Variants in MGST1 observed in about 807,000 individuals in gnomAD.
The protein encoded by MGST1 is glutathione S-transferase 12.
Under a neutral mutation model 8.9 loss-of-function variants are expected in MGST1, and 5 were observed. That is an observed-to-expected ratio of 0.56 (90% CI 0.29 to 1.19). MGST1 has a LOEUF of 1.19. Among genes scored for constraint, MGST1 ranks in the 50% most tolerant of loss-of-function variants. The pLI, the probability that MGST1 is intolerant of heterozygous loss-of-function variation, is 0.08. For missense variants in MGST1, 182 were observed against 187.4 expected (o/e 0.97, Z 0.17); for synonymous variants, 54 against 67.8 (o/e 0.80, Z 1.00).
chr12:16,398,857 G>C (rs1940628045), intron 1 of MGST1, among the ~76,000 whole-genome samples: 1 of 152,192 alleles, frequency 6.6e-6, no homozygotes, highest in Non-Finnish European at 1.5e-5. Context: ...CAATAGGGTA[G>C]GTTGGAGGAT....
At chr12:16,468,286 C>T (rs568379322) in intron 4 of MGST1, among the ~76,000 whole-genome samples, 32 of 152,318 alleles carry the variant, frequency 2.1e-4, no homozygotes, top group African/African-American at 7.5e-4. Context: ...TTGTCAATTA[C>T]ATATCTGTAT....
intron 1 of MGST1, among the ~76,000 whole-genome samples, chr12:16,351,523 A>G (rs1255270389): frequency 6.6e-6 from 1 of 152,032 alleles, no homozygotes; most frequent in Non-Finnish European, 1.5e-5. Context: ...AAACAAAAAT[A>G]GGGGGGCCAG....
intron 4 of MGST1, among the ~76,000 whole-genome samples, chr12:16,526,741 C>T (rs1448400392): frequency 8.6e-5 from 13 of 151,636 alleles, no homozygotes; most frequent in Admixed American, 8.5e-4. Flanking sequence ...GAGATAAATC[C>T]TAAAATTGGT....
chr12:16,384,933 C>T (rs1423820955), intron 1 of MGST1, among the ~76,000 whole-genome samples: 1 of 152,162 alleles, frequency 6.6e-6, no homozygotes, highest in Non-Finnish European at 1.5e-5. Context: ...AGGGATAACT[C>T]TAGCTGGGGT....
At chr12:16,479,194 G>T (rs1941346827) in intron 4 of MGST1, among the ~76,000 whole-genome samples, 1 of 143,018 alleles carries the variant, frequency 7.0e-6, no homozygotes, top group African/African-American at 2.6e-5. Context: ...ATATTCCATT[G>T]TGTGTATATA....
At chr12:16,354,167 T>C in intron 1 of MGST1, 64 bp from the exon 2 acceptor site, 1 of 1,197,416 alleles carries the variant, frequency 8.4e-7, no homozygotes, top group South Asian at 1.6e-5. Flanking sequence ...GAACATCAAA[T>C]GATCTTCCAG....
intron 4 of MGST1, among the ~76,000 whole-genome samples, chr12:16,518,850 G>A (rs1941631586): frequency 6.6e-6 from 1 of 152,186 alleles, no homozygotes; most frequent in Admixed American, 6.5e-5. Flanking sequence ...TAGCATTAAA[G>A]AAGATGTATT....
intron 4 of MGST1, among the ~76,000 whole-genome samples, chr12:16,465,798 A>C (rs767075073): frequency 1.1e-4 from 17 of 152,128 alleles, no homozygotes; most frequent in Non-Finnish European, 2.2e-4. Context: ...TCTGTGGAAA[A>C]ATTGTCTTCC....
At chr12:16,478,548 TTA>T (rs1442598155) in intron 4 of MGST1, among the ~76,000 whole-genome samples, 5 of 152,120 alleles carry the variant, frequency 3.3e-5, no homozygotes, top group Non-Finnish European at 7.3e-5. Flanking sequence ...ATAATATTTT[TTA>T]TGTTATTTAA....
chr12:16,485,524 A>G (rs1941394435), intron 4 of MGST1, among the ~76,000 whole-genome samples: 1 of 152,176 alleles, frequency 6.6e-6, no homozygotes, highest in Admixed American at 6.5e-5. Context: ...ACCGAATTTG[A>G]GGATTATTGT....
chr12:16,498,287 C>T (rs1941482892), intron 4 of MGST1, among the ~76,000 whole-genome samples: 1 of 152,172 alleles, frequency 6.6e-6, no homozygotes, highest in South Asian at 2.1e-4. Context: ...GGGACCACTT[C>T]CTAGTATCTC....
At chr12:16,402,077 C>G in intron 1 of MGST1, 1 of 1,558,362 alleles carries the variant, frequency 6.4e-7, no homozygotes, top group Non-Finnish European at 8.9e-7. Flanking sequence ...CAAAGCTATT[C>G]TTACTACTTT....
At chr12:16,523,950 A>T (rs1941665306) in intron 4 of MGST1, among the ~76,000 whole-genome samples, 1 of 152,110 alleles carries the variant, frequency 6.6e-6, no homozygotes, top group Non-Finnish European at 1.5e-5. Context: ...TATCGGTTTC[A>T]TGCCCTTACA....
intron 1 of MGST1, chr12:16,402,127 C>T: frequency 6.6e-7 from 1 of 1,514,598 alleles, no homozygotes; most frequent in East Asian, 2.3e-5. Flanking sequence ...GCAGGGGCTC[C>T]ATTAGCATTC....
At chr12:16,541,673 C>CT (rs896592905) in intron 4 of MGST1, among the ~76,000 whole-genome samples, 3 of 151,578 alleles carry the variant, frequency 2.0e-5, no homozygotes, top group African/African-American at 4.9e-5. Context: ...TCTCAGGTCT[C>CT]TTTTTTTTCA....
At chr12:16,565,376 A>G (rs1267377979) in intron 4 of MGST1, among the ~76,000 whole-genome samples, 1 of 152,178 alleles carries the variant, frequency 6.6e-6, no homozygotes, top group Admixed American at 6.5e-5. Context: ...TTTTTCAACT[A>G]AGGAAGGTAG....
intron 1 of MGST1, chr12:16,400,065 C>T: frequency 2.5e-6 from 4 of 1,582,624 alleles, no homozygotes; most frequent in Admixed American, 3.3e-5. Context: ...TAGTTAGAGC[C>T]TCTACTTTCT....
Position 16,555,338 on chromosome 12 carries a change from C to T in MGST1, n.483-34190C>T, listed in dbSNP as rs1442044018. On this transcript the variant is annotated intron_variant and non_coding_transcript_variant, in intron 4 of 4. Coordinates refer to the MGST1 transcript ENST00000538857. The surrounding 1 kb of genome is among the most constrained non-coding windows in gnomAD (Gnocchi z 5.5). ...TTGCTTATTCTGATGTTTCCCAAAGCACTTATTTATTGGTGTATTGTTTAT... is the reference window on the plus strand; with the variant it reads ...TTGCTTATTCTGATGTTTCCCAAAGTACTTATTTATTGGTGTATTGTTTAT... 6.6e-6 allele frequency among the ~76,000 whole-genome samples: 1 copy of T among 152,168 alleles called. No homozygotes were observed.
In MGST1 at chr12:16,503,725, C is replaced by T. The variant is rs865984119; in HGVS notation, n.483-85803C>T. Among the ~76,000 whole-genome samples the T allele has an allele frequency of 6.6e-5, 10 of 152,160 alleles. No homozygotes were observed. The highest frequency in any genetic ancestry group is 1.2e-4 in the Non-Finnish European group (8 of 68,036). Reference sequence around the variant, plus strand: ...GTGTGCCGGGTCAGTTTATCATTGCCGTGGTAACACCTGGAAGTTACCACC... The same window carrying T: ...GTGTGCCGGGTCAGTTTATCATTGCTGTGGTAACACCTGGAAGTTACCACC... On this transcript the variant is annotated intron_variant and non_coding_transcript_variant, in intron 4 of 4. Coordinates refer to the MGST1 transcript ENST00000538857. This position sits in a 1 kb window ranked among gnomAD's most constrained non-coding sequence, Gnocchi z 4.8.
Sources: gnomAD v4.1 joint callset for allele counts (sites outside exome capture counted in the v4.1 genomes callset) on GRCh38, gnomAD v4.1.1 for gene constraint, Gnocchi (gnomAD v3.1) non-coding constraint, MANE v1.5 for transcripts, NCBI Gene and HGNC (gene_info 2026-07-23, HGNC 2026-07-21) for gene names.